Variants in KTN1 observed in about 807,000 individuals in gnomAD.
The protein encoded by KTN1 is kinectin 1, also known as kinectin.
A neutral mutation model predicts 222.5 loss-of-function variants in KTN1; 130 were observed. That is an observed-to-expected ratio of 0.58 (90% CI 0.51 to 0.68). The LOEUF (loss-of-function observed/expected upper bound fraction) is 0.68. Ranked by LOEUF, KTN1 falls within the 30% of genes least tolerant of loss-of-function variation. The pLI is 0.00. For synonymous variants in KTN1, 512 were observed against 496.3 expected (o/e 1.03, Z -0.42); for missense variants, 1,508 against 1,500.4 (o/e 1.01, Z -0.08).
chr14:55,663,635 A>T (rs886087736), intron 32 of KTN1: 2 of 228,750 alleles, frequency 8.7e-6, no homozygotes, highest in Non-Finnish European at 1.7e-5. Context: ...CTAATGTTCA[A>T]TGTACCTGAA....
chr14:55,652,574 T>C (rs978699109), intron 25 of KTN1, among the ~76,000 whole-genome samples: 1 of 152,088 alleles, frequency 6.6e-6, no homozygotes, highest in Non-Finnish European at 1.5e-5. Context: ...AATTTTTTTG[T>C]ATTTTTAGTA....
At chr14:55,602,838 C>T (rs2036184725) in intron 1 of KTN1, among the ~76,000 whole-genome samples, 1 of 152,124 alleles carries the variant, frequency 6.6e-6, no homozygotes, top group Admixed American at 6.5e-5. Flanking sequence ...CCTTGGCCTC[C>T]CAGAGTGCTA....
intron 9 of KTN1, among the ~76,000 whole-genome samples, chr14:55,636,165 A>G (rs936178092): frequency 6.6e-6 from 1 of 152,232 alleles, no homozygotes; most frequent in African/African-American, 2.4e-5. Context: ...TCAGATGTAT[A>G]TAGTAGTAGC....
chr14:55,629,777 G>A (rs921843081), intron 6 of KTN1, among the ~76,000 whole-genome samples, 180 bp from the exon 7 acceptor site: 1 of 152,238 alleles, frequency 6.6e-6, no homozygotes, highest in Non-Finnish European at 1.5e-5. Context: ...GTGAAGAGCA[G>A]ATGAGATGCA....
chr14:55,680,800 C>G (rs766250415), intron 43 of KTN1: 11 of 886,920 alleles, frequency 1.2e-5, no homozygotes, highest in Non-Finnish European at 1.9e-5. Context: ...TTCAACATAT[C>G]AACAAAAGTA....
At chr14:55,635,196 C>T (rs2040982695) in intron 9 of KTN1, among the ~76,000 whole-genome samples, 1 of 152,112 alleles carries the variant, frequency 6.6e-6, no homozygotes, top group Non-Finnish European at 1.5e-5. Context: ...AGCATGTGCC[C>T]TATTGAAAGA....
chr14:55,630,108 A>C lies in KTN1; in HGVS notation c.1221+11A>C. 12 of 1,609,844 alleles carry C rather than the reference A, an allele frequency of 7.5e-6. No individual in the cohort carries two copies. The highest frequency in any genetic ancestry group is 1.3e-5 in the African/African-American group (1 of 74,940). ...CAGATGCAGATGAAGGTATATTTTC[A>C]TTCTTTGGAAACAAGATGAAATGGT... On this transcript the variant is annotated intron_variant, in intron 7 of 43. Coordinates refer to ENST00000395314, the MANE Select transcript of KTN1 (RefSeq NM_001079521.2).
intron 43 of KTN1, among the ~76,000 whole-genome samples, 183 bp from the exon 44 acceptor site, chr14:55,683,916 T>C (rs2046575824): frequency 6.6e-6 from 1 of 152,154 alleles, no homozygotes; most frequent in Admixed American, 6.5e-5. Flanking sequence ...TAAAAGCTTG[T>C]TTCCTTTGAA....
chr14:55,605,042 T>G lies in KTN1; in HGVS notation c.-30-6977T>G, dbSNP rs193082892. 3.2e-4 allele frequency among the ~76,000 whole-genome samples: 48 copies of G among 152,324 alleles called. No homozygotes were observed. In the South Asian group the frequency reaches 9.1e-3, roughly 29 times the overall value. On this transcript the variant is annotated intron_variant, in intron 1 of 43. Coordinates refer to ENST00000395314, the MANE Select transcript of KTN1 (RefSeq NM_001079521.2). The stretch of plus-strand genomic sequence containing the variant: ...TCCCAGATAGGAACCTATTCCTATA[T>G]TCTTAATCTTGTCAAGGGGTTTCCT...
chr14:55,581,121 C>T (rs2031451963), intron 1 of KTN1, among the ~76,000 whole-genome samples: 1 of 152,220 alleles, frequency 6.6e-6, no homozygotes, highest in South Asian at 2.1e-4. Context: ...GGGGACCTCG[C>T]CGGAAAACTA....
chr14:55,637,932 G>A, intron 12 of KTN1, 85 bp downstream of exon 12: 1 of 962,748 alleles, frequency 1.0e-6, no homozygotes, highest in Non-Finnish European at 1.6e-6. Flanking sequence ...GCCAATTACT[G>A]GATTAATAGC....
chr14:55,636,518 CAT>C lies in KTN1; in HGVS notation c.1532_1533del (p.His511ArgfsTer10). ...QSYIRKRTAE[H>X]EAAQQDLQSK... ...CTACATCAGGAAGAGAACAGCGGAA[CAT>C]GAGGCAGCACAGCAAGGTAAGGGGA... On this transcript the variant is annotated frameshift_variant, in exon 10 of 44. Coordinates refer to ENST00000395314, the MANE Select transcript of KTN1 (RefSeq NM_001079521.2). LOFTEE classifies it high-confidence loss of function. 1.2e-6 allele frequency: 2 copies of C among 1,609,364 alleles called. No individual in the cohort carries two copies. The highest frequency in any genetic ancestry group is 1.7e-6 in the Non-Finnish European group (2 of 1,177,448).
At chr14:55,679,064 G>C (rs1473627053) in intron 42 of KTN1, 1 of 155,240 alleles carries the variant, frequency 6.4e-6, no homozygotes, top group Admixed American at 6.4e-5. Context: ...GCCACTTTGT[G>C]CTTTAGTTGC....
At chr14:55,652,348 T>C (rs894435050) in intron 25 of KTN1, among the ~76,000 whole-genome samples, 6 of 150,996 alleles carry the variant, frequency 4.0e-5, no homozygotes, top group Non-Finnish European at 7.4e-5. Context: ...TTTTCCTTAA[T>C]CATCCTATGC....
chr14:55,657,492 A>AT (rs1329101593), intron 29 of KTN1, among the ~76,000 whole-genome samples: 2 of 150,596 alleles, frequency 1.3e-5, no homozygotes, highest in Non-Finnish European at 3.0e-5. Flanking sequence ...TATTTTCCCC[A>AT]TTTTTTCTTC....
At chr14:55,676,081 C>T (rs1052812832) in intron 41 of KTN1, among the ~76,000 whole-genome samples, 163 bp downstream of exon 41, 4 of 152,042 alleles carry the variant, frequency 2.6e-5, no homozygotes, top group South Asian at 2.1e-4. Context: ...TGGAATGAAA[C>T]GTTTTGGCTT....
At chr14:55,603,829 G>A (rs953130314) in intron 1 of KTN1, among the ~76,000 whole-genome samples, 7 of 152,096 alleles carry the variant, frequency 4.6e-5, no homozygotes, top group African/African-American at 1.7e-4. Flanking sequence ...CCCTATCTCA[G>A]TAAAGGGCAG....
chr14:55,662,069 CTT>C (rs71131302), intron 32 of KTN1, among the ~76,000 whole-genome samples: 8,667 of 129,496 alleles, frequency 0.067, 361 homozygotes, highest in Non-Finnish European at 0.094. Context: ...TCCTCCTGCC[CTT>C]TTTTTTTTTT....
chr14:55,661,707 G>C, intron 32 of KTN1, 95 bp downstream of exon 32: 1 of 609,228 alleles, frequency 1.6e-6, no homozygotes, highest in Non-Finnish European at 2.8e-6. Flanking sequence ...TTTTACTTTA[G>C]ATTTCTTAAT....
Sources: allele counts gnomAD v4.1 joint callset (sites outside exome capture counted in the v4.1 genomes callset), GRCh38; gene constraint gnomAD v4.1.1; transcripts MANE v1.5; gene names NCBI Gene and HGNC (gene_info 2026-07-23, HGNC 2026-07-21).